BRF1: variants seen among roughly 807,000 people sequenced by gnomAD.
BRF1 encodes the protein BRF1 general transcription factor IIIB subunit.
BRF1 carries 59 observed loss-of-function variants against 81.7 expected under a neutral mutation model. That is an observed-to-expected ratio of 0.72 (90% CI 0.59 to 0.90). The LOEUF (loss-of-function observed/expected upper bound fraction) is 0.90. Among genes scored for constraint, BRF1 ranks in the 40% least tolerant of loss-of-function variants. BRF1 has a pLI of 0.00. For synonymous variants in BRF1, 491 were observed against 395.6 expected, an observed-to-expected ratio of 1.24 and a Z score of -2.86; for missense variants, 1,050 against 936.3, an observed-to-expected ratio of 1.12 and a Z score of -1.58.
intron 13 of BRF1, 46 bp from the exon 14 acceptor site, chr14:105,219,099 C>G (rs767211980): frequency 6.2e-7 from 1 of 1,614,024 alleles, no homozygotes; most frequent in South Asian, 1.1e-5. Context: ...GCCCACGCCC[C>G]AGGCCTGGGG....
chr14:105,215,211 GAC>G (rs201018880), intron 15 of BRF1, among the ~76,000 whole-genome samples: 1,526 of 151,496 alleles, frequency 0.01, 25 homozygotes, highest in African/African-American at 0.035. Context: ...AGAGACTTAA[GAC>G]ACACACACAC....
chr14:105,311,327 C>T (rs1253821150), intron 1 of BRF1, among the ~76,000 whole-genome samples: 1 of 152,114 alleles, frequency 6.6e-6, no homozygotes, highest in Non-Finnish European at 1.5e-5. Flanking sequence ...GATCCTGGTT[C>T]ACTGCAACCT....
At chr14:105,214,671 G>T (rs963550610) in intron 15 of BRF1, among the ~76,000 whole-genome samples, 1 of 152,200 alleles carries the variant, frequency 6.6e-6, no homozygotes, top group African/African-American at 2.4e-5. Context: ...CAAAGAGAAA[G>T]GGGGTGCAGC....
intron 1 of BRF1, among the ~76,000 whole-genome samples, chr14:105,307,037 AT>A (rs1033662498): frequency 4.0e-5 from 6 of 149,898 alleles, no homozygotes; most frequent in African/African-American, 1.2e-4. Context: ...TATTTACTTT[AT>A]TTTTTCTTTT....
intron 5 of BRF1, chr14:105,250,458 C>T (rs756284482): frequency 1.8e-5 from 29 of 1,613,878 alleles, no homozygotes; most frequent in South Asian, 9.9e-5. Context: ...AACACCTTCC[C>T]GGTCTGGTTT....
chr14:105,228,823 T>C lies in BRF1; in HGVS notation c.785A>G (p.Lys262Arg). ...GCCATGAATGAGAGCCCCTCACCTCTTCCGCAGCGTGGACTCACACACTTT... is the reference window on the plus strand; with the variant it reads ...GCCATGAATGAGAGCCCCTCACCTCCTCCGCAGCGTGGACTCACACACTTT... The part of the protein sequence containing the change: ...VVKVCESTLR[K>R]RLTEFEDTPT... The change falls in exon 7 of 18, where the codon AAG becomes AGG. Residue 262 changes from lysine to arginine, a missense_variant. Lys to Arg is a conservative substitution (Grantham distance 26). Around this residue, in one of 2 missense-constraint regions of BRF1, gnomAD observed 1,043 missense variants for 915.4 expected, o/e 1.14. Transcript: ENST00000547530. The C allele has an allele frequency of 6.2e-7, 1 of 1,613,864 alleles. No homozygotes were observed. Among genetic ancestry groups the C allele is most frequent in the Non-Finnish European group, 8.5e-7 (1 of 1,180,002 alleles).
intron 6 of BRF1, among the ~76,000 whole-genome samples, chr14:105,240,921 G>A (rs587750800): frequency 6.7e-6 from 1 of 148,274 alleles, no homozygotes; most frequent in Non-Finnish European, 1.5e-5. Flanking sequence ...CATCTCAGGA[G>A]AGAGAGGCCA....
rs1891577730 is a variant in BRF1, at chr14:105,217,806, G to C, written c.1516-6C>G. The C allele has an allele frequency of 6.2e-7, 1 of 1,608,780 alleles. No homozygotes were observed. The highest frequency in any genetic ancestry group is 8.5e-7 in the Non-Finnish European group (1 of 1,177,096). ...CGCTTGCAAGACTTCTTGGGCTTGA[G>C]GGAAACAAGCAAGAATGCCTCCCGT... On this transcript the variant is annotated splice_region_variant and splice_polypyrimidine_tract_variant and intron_variant, in intron 14 of 17. Transcript: ENST00000547530.
chr14:105,215,692 A>C (rs1407854433), intron 15 of BRF1, among the ~76,000 whole-genome samples: 7 of 110,148 alleles, frequency 6.4e-5, no homozygotes, highest in Non-Finnish European at 7.4e-5. Context: ...CATGCACACA[A>C]ATACTGCATG....
At chr14:105,279,921 C>T (rs1342486264) in intron 2 of BRF1, among the ~76,000 whole-genome samples, 4 of 152,236 alleles carry the variant, frequency 2.6e-5, no homozygotes, top group African/African-American at 4.8e-5. Context: ...AGAACGGCTC[C>T]AGCCCAGACA....
rs779232800 is a variant in BRF1, at chr14:105,216,026, GAC to G, written c.1772+1516_1772+1517del. On this transcript the variant is annotated intron_variant, in intron 15 of 17. Coordinates refer to ENST00000547530, the MANE Select transcript of BRF1 (RefSeq NM_001519.4). Reference sequence around the variant, plus strand: ...TGCACACACACGCTGCAGGCATACAGACACAGGCACACACACTGCGTACACAG... The same window carrying G: ...TGCACACACACGCTGCAGGCATACAGACAGGCACACACACTGCGTACACAG... 1.7e-3 allele frequency among the ~76,000 whole-genome samples: 146 copies of G among 88,452 alleles called. 4 individuals are homozygous for G. Among genetic ancestry groups the G allele is most frequent in the African/African-American group, 2.6e-3 (29 of 11,124 alleles). The allele number at this position is 88,452 out of a possible 152,430, so 58.0% of individuals were successfully genotyped here.
intron 3 of BRF1, among the ~76,000 whole-genome samples, chr14:105,265,850 G>A (rs1478340637): frequency 6.8e-6 from 1 of 147,194 alleles, no homozygotes; most frequent in African/African-American, 2.5e-5. Flanking sequence ...GTAGTGAGCT[G>A]AGATCATGCC....
intron 5 of BRF1, chr14:105,250,669 C>T (rs759639669): frequency 1.1e-5 from 18 of 1,603,542 alleles, no homozygotes; most frequent in Non-Finnish European, 1.5e-5. Flanking sequence ...TTTTCTATGC[C>T]TGAGGTGCCC....
At chr14:105,283,891 G>T (rs745457922) in intron 2 of BRF1, among the ~76,000 whole-genome samples, 3 of 152,230 alleles carry the variant, frequency 2.0e-5, no homozygotes, top group Non-Finnish European at 4.4e-5. Flanking sequence ...CCCAACCCAG[G>T]CAGCCTGAGG....
At chr14:105,288,240 G>A (rs1213875762) in intron 1 of BRF1, among the ~76,000 whole-genome samples, 1 of 151,672 alleles carries the variant, frequency 6.6e-6, no homozygotes, top group African/African-American at 2.4e-5. Context: ...GGATCACGAG[G>A]TCAGGAGATC....
chr14:105,252,211 A>G (rs2055655614), intron 5 of BRF1, among the ~76,000 whole-genome samples: 1 of 152,160 alleles, frequency 6.6e-6, no homozygotes, highest in African/African-American at 2.4e-5. Flanking sequence ...GTGCGGTCTC[A>G]TGCCTGTAAT....
At chr14:105,297,095 T>C (rs1223482862) in intron 1 of BRF1, among the ~76,000 whole-genome samples, 2 of 151,728 alleles carry the variant, frequency 1.3e-5, no homozygotes, top group South Asian at 2.1e-4. Flanking sequence ...GAGGCAGAGG[T>C]TGCAGTGAGC....
intron 3 of BRF1, among the ~76,000 whole-genome samples, chr14:105,258,535 C>A (rs1595407417): frequency 6.7e-6 from 1 of 148,592 alleles, no homozygotes; most frequent in African/African-American, 2.5e-5. Flanking sequence ...CAGTGGCTCA[C>A]GCCTGTAATC....
rs760922785 is a variant in BRF1 at position 105,228,900 on chromosome 14, T to G, written c.708A>C (p.Ala236=). The change falls in exon 7 of 18, where the codon GCA becomes GCC. Residue 236 remains alanine, a synonymous_variant. Transcript: ENST00000547530. ...SGLCGAALLV[A]ARMHDFRRTV... ...TCCTCCTGAAGTCATGCATTCTGGC[T>G]GCAACCAGGAGCGCTGGAAGGCAAC... 1 of 1,613,682 alleles carries G rather than the reference T, an allele frequency of 6.2e-7. No individual in the cohort carries two copies. Among genetic ancestry groups the G allele is most frequent in the East Asian group, 2.2e-5 (1 of 44,890 alleles).
Sources: gnomAD v4.1 joint callset for allele counts (sites outside exome capture counted in the v4.1 genomes callset) on GRCh38, gnomAD v4.1.1 for gene constraint, gnomAD v4.1.1 regional missense constraint, MANE v1.5 for transcripts, NCBI Gene and HGNC (gene_info 2026-07-23, HGNC 2026-07-21) for gene names.